Variants in RUNDC3B observed in about 807,000 individuals in gnomAD.
RUNDC3B encodes RUN domain-containing protein 3B.
In RUNDC3B, 33 loss-of-function variants were observed where a neutral mutation model predicts 58.4. That is an observed-to-expected ratio of 0.56 (90% CI 0.43 to 0.75). The LOEUF (loss-of-function observed/expected upper bound fraction) is 0.75, where lower values mean the gene tolerates loss of function less well. RUNDC3B is among the 30% of genes least tolerant of loss of function. RUNDC3B has a pLI of 0.00. For synonymous variants in RUNDC3B, 193 were observed against 195.2 expected (o/e 0.99, Z 0.10); for missense variants, 501 against 535.7 (o/e 0.94, Z 0.64).
chr7:87,660,695 T>C (rs1329739419), intron 2 of RUNDC3B, among the ~76,000 whole-genome samples: 1 of 151,984 alleles, frequency 6.6e-6, no homozygotes, highest in Non-Finnish European at 1.5e-5. Context: ...GTTGGACTCT[T>C]AGCAGATTAA....
intron 6 of RUNDC3B, among the ~76,000 whole-genome samples, chr7:87,744,402 A>G (rs906140469): frequency 2.0e-5 from 3 of 152,090 alleles, no homozygotes; most frequent in Non-Finnish European, 4.4e-5. Flanking sequence ...TGCTTTTGGT[A>G]GTATGGTCAT....
At chr7:87,704,253 A>G (rs1321189520) in intron 3 of RUNDC3B, among the ~76,000 whole-genome samples, 1 of 152,118 alleles carries the variant, frequency 6.6e-6, no homozygotes, top group African/African-American at 2.4e-5. Flanking sequence ...TTTATGGCTT[A>G]AGAATTATAT....
Position 87,683,166 on chromosome 7 carries a change from T to C in RUNDC3B, c.239-17255T>C, listed in dbSNP as rs938346861. Among the ~76,000 whole-genome samples the C allele has an allele frequency of 3.3e-5, 5 of 152,210 alleles. No homozygotes were observed. In the East Asian group the frequency reaches 9.6e-4, roughly 29 times the overall value. ...GCGTCTTTGCCTCTCTCATCCTTCATAGCATTAAAGAGAGGACCTTACTGT... is the reference window on the plus strand; with the variant it reads ...GCGTCTTTGCCTCTCTCATCCTTCACAGCATTAAAGAGAGGACCTTACTGT... On this transcript the variant is annotated intron_variant, in intron 2 of 10. Transcript: ENST00000394654.
chr7:87,650,962 T>C, intron 2 of RUNDC3B, 25 bp downstream of exon 2: 1 of 1,311,996 alleles, frequency 7.6e-7, no homozygotes, highest in East Asian at 2.3e-5. Context: ...GTACTATTTA[T>C]TTTCCCACCA....
chr7:87,642,381 G>A (rs937808605), intron 1 of RUNDC3B, among the ~76,000 whole-genome samples: 1 of 151,832 alleles, frequency 6.6e-6, no homozygotes, highest in Non-Finnish European at 1.5e-5. Flanking sequence ...TAGCTTACTA[G>A]GAAGCTCACT....
rs1387587765 is a variant in RUNDC3B, at chr7:87,821,670, A to G, written c.1225+5408A>G. Among the ~76,000 whole-genome samples the G allele has an allele frequency of 2.6e-5, 4 of 152,248 alleles. No homozygotes were observed. In the East Asian group the frequency reaches 5.8e-4, roughly 22 times the overall value. On this transcript the variant is annotated intron_variant, in intron 10 of 10. Transcript: ENST00000394654. Reference sequence around the variant, plus strand: ...ACAATGCTACAGTAACCAAAACAGCATGGTACTGGTACCAAAACAGAGATA... The same window carrying G: ...ACAATGCTACAGTAACCAAAACAGCGTGGTACTGGTACCAAAACAGAGATA...
intron 6 of RUNDC3B, among the ~76,000 whole-genome samples, chr7:87,757,642 T>G (rs1183907591): frequency 2.0e-5 from 3 of 152,142 alleles, no homozygotes; most frequent in African/African-American, 7.2e-5. Context: ...AATGACATTC[T>G]TCACAGAAAT....
In RUNDC3B at chr7:87,697,787, A is replaced by T. The variant is rs552352868; in HGVS notation, c.239-2634A>T. ...TAGGTACTATCGTTATTTTCAATTT[A>T]CAGAAGAGGCCCAGACTCATAAAGT... is the stretch of plus-strand genomic sequence containing the variant. On this transcript the variant is annotated intron_variant, in intron 2 of 10. Transcript: ENST00000394654. 3.9e-4 allele frequency among the ~76,000 whole-genome samples: 59 copies of T among 152,304 alleles called. 1 individual carries two copies. Among genetic ancestry groups the T allele is most frequent in the Admixed American group, 8.5e-4 (13 of 15,302 alleles).
At chr7:87,652,621 G>GATATATAT (rs373344881) in intron 2 of RUNDC3B, among the ~76,000 whole-genome samples, 2,841 of 125,282 alleles carry the variant, frequency 0.023, 47 homozygotes, top group Middle Eastern at 0.031. Flanking sequence ...TGTGGTCACT[G>GATATATAT]ATATATATAT....
intron 7 of RUNDC3B, among the ~76,000 whole-genome samples, chr7:87,775,530 G>A (rs539079516): frequency 7.0e-4 from 107 of 152,210 alleles, no homozygotes; most frequent in African/African-American, 2.5e-3. Context: ...TAGCCTAGGC[G>A]TACAGTGTTT....
intron 4 of RUNDC3B, 79 bp from the exon 5 acceptor site, chr7:87,739,712 T>A (rs1346996444): frequency 3.3e-6 from 2 of 613,370 alleles, no homozygotes; most frequent in African/African-American, 1.9e-5. Context: ...CTACAATAGT[T>A]TGGGCTCTAA....
intron 7 of RUNDC3B, among the ~76,000 whole-genome samples, chr7:87,775,571 A>G (rs1355676818): frequency 6.6e-6 from 1 of 152,202 alleles, no homozygotes; most frequent in East Asian, 1.9e-4. Context: ...CAGTAGTTGT[A>G]GGCCTTTACA....
intron 2 of RUNDC3B, among the ~76,000 whole-genome samples, chr7:87,699,274 G>T (rs985411328): frequency 6.6e-6 from 1 of 151,992 alleles, no homozygotes; most frequent in African/African-American, 2.4e-5. Context: ...TCTACAAGAA[G>T]ATTAAACAAC....
At chr7:87,749,928 G>A (rs1212922442) in intron 6 of RUNDC3B, among the ~76,000 whole-genome samples, 2 of 151,358 alleles carry the variant, frequency 1.3e-5, no homozygotes, top group Non-Finnish European at 2.9e-5. Context: ...TGCACAATGT[G>A]CAGGTTACTT....
rs766792784 is a variant in RUNDC3B at position 87,770,562 on chromosome 7, A to T, written c.630-19A>T. 368 of 1,588,510 alleles carry T rather than the reference A, an allele frequency of 2.3e-4. No individual in the cohort carries two copies. The highest frequency in any genetic ancestry group is 2.7e-4 in the Non-Finnish European group (320 of 1,168,372). Reference sequence around the variant, plus strand: ...TGGAACATATTTTTAACTTTTTTTTAAAATTTTGATCTTCCCAGTTCTGAT... The same window carrying T: ...TGGAACATATTTTTAACTTTTTTTTTAAATTTTGATCTTCCCAGTTCTGAT... On this transcript the variant is annotated intron_variant, in intron 6 of 10. Transcript: ENST00000394654.
chr7:87,716,471 C>T (rs1350753734), intron 4 of RUNDC3B, among the ~76,000 whole-genome samples: 1 of 152,186 alleles, frequency 6.6e-6, no homozygotes, highest in Non-Finnish European at 1.5e-5. Context: ...TCTTAAATGT[C>T]TCCATTGCAC....
At chr7:87,765,118 G>A (rs958031835) in intron 6 of RUNDC3B, among the ~76,000 whole-genome samples, 1 of 151,640 alleles carries the variant, frequency 6.6e-6, no homozygotes. Flanking sequence ...ATAATCTTTT[G>A]TATTTCTGCA....
At chr7:87,671,747 C>T (rs1357246117) in intron 2 of RUNDC3B, among the ~76,000 whole-genome samples, 1 of 152,182 alleles carries the variant, frequency 6.6e-6, no homozygotes, top group African/African-American at 2.4e-5. Context: ...GGTAGAGCAG[C>T]TGTTCCGTGC....
At chr7:87,668,317 G>A (rs561692197) in intron 2 of RUNDC3B, among the ~76,000 whole-genome samples, 79 of 152,010 alleles carry the variant, frequency 5.2e-4, no homozygotes, top group African/African-American at 1.9e-3. Context: ...TTGTTTCTGT[G>A]GGGTCAGTAG....
Sources: allele counts gnomAD v4.1 joint callset (sites outside exome capture counted in the v4.1 genomes callset), GRCh38; gene constraint gnomAD v4.1.1; transcripts MANE v1.5; gene names NCBI Gene and HGNC (gene_info 2026-07-23, HGNC 2026-07-21).